Variants in STK31 observed in about 807,000 individuals in gnomAD.
The protein encoded by STK31 is serine/threonine-protein kinase 31.
A neutral mutation model predicts 129.7 loss-of-function variants in STK31; 89 were observed. That is an observed-to-expected ratio of 0.69 (90% confidence interval 0.58 to 0.82). The LOEUF is 0.82. Among genes scored for constraint, STK31 ranks in the 40% least tolerant of loss-of-function variants. The pLI, the probability that STK31 is intolerant of heterozygous loss-of-function variation, is 0.00. For synonymous variants in STK31, 448 were observed against 395.3 expected, an observed-to-expected ratio of 1.13 and a Z score of -1.58; for missense variants, 1,187 against 1,176.4, an observed-to-expected ratio of 1.01 and a Z score of -0.13.
At chr7:23,823,816 G>T (rs1024090789) in intron 23 of STK31, among the ~76,000 whole-genome samples, 3 of 152,028 alleles carry the variant, frequency 2.0e-5, no homozygotes, top group Admixed American at 2.0e-4. Flanking sequence ...TTCTATATAC[G>T]GCTAGCCAGT....
At chr7:23,802,177 A>G (rs1338864228) in intron 22 of STK31, among the ~76,000 whole-genome samples, 2 of 152,116 alleles carry the variant, frequency 1.3e-5, no homozygotes, top group Non-Finnish European at 2.9e-5. Context: ...GAGTTTACAA[A>G]ATGAGGGGTT....
intron 22 of STK31, among the ~76,000 whole-genome samples, chr7:23,813,356 G>A (rs867982709): frequency 5.9e-5 from 9 of 151,994 alleles, no homozygotes; most frequent in South Asian, 2.1e-4. Context: ...GAAAGTTCTT[G>A]TCAGATAATT....
At chr7:23,798,098 G>A (rs1792091215) in intron 22 of STK31, among the ~76,000 whole-genome samples, 1 of 152,132 alleles carries the variant, frequency 6.6e-6, no homozygotes, top group African/African-American at 2.4e-5. Flanking sequence ...TGAAATTGAG[G>A]CAGTTATTAA....
chr7:23,831,000 T>C (rs368056064), intron 23 of STK31, among the ~76,000 whole-genome samples: 1 of 152,328 alleles, frequency 6.6e-6, no homozygotes, highest in African/African-American at 2.4e-5. Context: ...ATACTGGATA[T>C]GATTTTAATT....
chr7:23,783,869 G>A (rs915840863), intron 17 of STK31, among the ~76,000 whole-genome samples: 20 of 152,038 alleles, frequency 1.3e-4, no homozygotes, highest in African/African-American at 4.3e-4. Flanking sequence ...TGCATTATCC[G>A]TTTTTCTGCT....
chr7:23,758,461 G>T (rs1049692616), intron 10 of STK31, among the ~76,000 whole-genome samples: 1 of 151,508 alleles, frequency 6.6e-6, no homozygotes, highest in African/African-American at 2.4e-5. Flanking sequence ...GTGTGTGTGT[G>T]TCTCTGTCTC....
At chr7:23,774,558 C>A (rs977440727) in intron 15 of STK31, among the ~76,000 whole-genome samples, 2 of 152,128 alleles carry the variant, frequency 1.3e-5, no homozygotes, top group South Asian at 4.1e-4. Flanking sequence ...TTTCATGTGT[C>A]TGTTGGCTGC....
chr7:23,752,214 C>G (rs1788753531), intron 8 of STK31, among the ~76,000 whole-genome samples: 1 of 151,872 alleles, frequency 6.6e-6, no homozygotes, highest in South Asian at 2.1e-4. Flanking sequence ...AAAAGCTGTG[C>G]CAGGAGTGAT....
chr7:23,802,487 CG>C (rs770493556), intron 22 of STK31, among the ~76,000 whole-genome samples: 14 of 152,046 alleles, frequency 9.2e-5, no homozygotes, highest in Non-Finnish European at 1.9e-4. Context: ...AGCACGGAGA[CG>C]TTTGAGGGGA....
At chr7:23,736,767 A>G (rs543311765) in intron 7 of STK31, 137 bp from the exon 8 acceptor site, 88 of 573,890 alleles carry the variant, frequency 1.5e-4, no homozygotes, top group South Asian at 6.4e-4. Flanking sequence ...TAATATTATG[A>G]ACTAGGTAAA....
intron 3 of STK31, 56 bp from the exon 4 acceptor site, chr7:23,717,425 T>C (rs1786412282): frequency 1.6e-6 from 2 of 1,272,564 alleles, no homozygotes; most frequent in South Asian, 2.7e-5. Flanking sequence ...CCCTCAAGCG[T>C]GTAACACTGT....
intron 13 of STK31, among the ~76,000 whole-genome samples, chr7:23,770,598 A>G (rs1790121272): frequency 1.3e-5 from 2 of 152,022 alleles, no homozygotes; most frequent in South Asian, 4.1e-4. Flanking sequence ...AATACGGGTA[A>G]AGTTTCCCAT....
At chr7:23,730,878 A>ATATATATTTTT in intron 6 of STK31, among the ~76,000 whole-genome samples, 14 of 59,532 alleles carry the variant, frequency 2.4e-4, no homozygotes, top group East Asian at 2.3e-3. Flanking sequence ...ATATATATAT[A>ATATATATTTTT]TTTTTTTTTT....
chr7:23,767,170 G>A (rs959369233), intron 11 of STK31, among the ~76,000 whole-genome samples: 10 of 151,960 alleles, frequency 6.6e-5, no homozygotes, highest in African/African-American at 2.4e-4. Flanking sequence ...CTGTTATCTG[G>A]GCCATTGACA....
intron 23 of STK31, among the ~76,000 whole-genome samples, chr7:23,831,083 T>C (rs1475198689): frequency 6.6e-6 from 1 of 152,252 alleles, no homozygotes; most frequent in Non-Finnish European, 1.5e-5. Context: ...CATATGCTTA[T>C]GAGAAGTATG....
chr7:23,749,574 A>C (rs1415476123), intron 8 of STK31, among the ~76,000 whole-genome samples: 1 of 147,840 alleles, frequency 6.8e-6, no homozygotes, highest in African/African-American at 2.5e-5. Context: ...GCTGGTCTTG[A>C]ACTCCTGGGC....
intron 7 of STK31, 151 bp downstream of exon 7, chr7:23,736,047 C>T (rs1787699581): frequency 1.6e-6 from 1 of 611,144 alleles, no homozygotes; most frequent in Non-Finnish European, 2.7e-6. Context: ...AAATGTATTC[C>T]TCTCTGCTTT....
chr7:23,755,786 G>A (rs1228307137), intron 10 of STK31, among the ~76,000 whole-genome samples: 3 of 152,134 alleles, frequency 2.0e-5, no homozygotes, highest in Non-Finnish European at 4.4e-5. Context: ...TGTCAGGTTT[G>A]TCGAAGATCA....
At chr7:23,813,513 AG>A (rs1793277684) in intron 22 of STK31, among the ~76,000 whole-genome samples, 2 of 152,318 alleles carry the variant, frequency 1.3e-5, no homozygotes, top group South Asian at 4.1e-4. Flanking sequence ...ATTTTATTTT[AG>A]CAGGCAGTCA....
Sources: allele counts gnomAD v4.1 joint callset (sites outside exome capture counted in the v4.1 genomes callset), GRCh38; gene constraint gnomAD v4.1.1; transcripts MANE v1.5; gene names NCBI Gene and HGNC (gene_info 2026-07-23, HGNC 2026-07-21).